The following NR3C1 variants were observed in gnomAD, a reference collection of about 807,000 sequenced individuals.
NR3C1 encodes the protein nuclear receptor subfamily 3 group C member 1, also known as glucocorticoid receptor.
NR3C1 carries 14 observed loss-of-function variants against 74.0 expected under a neutral mutation model. The ratio of observed to expected loss-of-function variants is 0.19; its 90% confidence interval spans 0.12 to 0.30. The LOEUF (loss-of-function observed/expected upper bound fraction) is 0.30. NR3C1 is among the 10% of genes least tolerant of loss of function. The pLI, the probability that NR3C1 is intolerant of heterozygous loss-of-function variation, is 1.00. For missense variants in NR3C1, 695 were observed against 909.8 expected (o/e 0.76, Z 3.04); for synonymous variants, 308 against 332.5 (o/e 0.93, Z 0.80).
At chr5:143,311,368 A>G (rs1820906313) in intron 3 of NR3C1, among the ~76,000 whole-genome samples, 1 of 152,216 alleles carries the variant, frequency 6.6e-6, no homozygotes, top group Non-Finnish European at 1.5e-5. Context: ...TTTATATCCA[A>G]CTGAAATGTC....
At chr5:143,388,736 TG>T (rs35667604) in intron 2 of NR3C1, among the ~76,000 whole-genome samples, 1 of 152,186 alleles carries the variant, frequency 6.6e-6, no homozygotes, top group Non-Finnish European at 1.5e-5. Context: ...GCTTATACAC[TG>T]GGGAGCCCAG....
At chr5:143,389,751 T>C (rs1837903064) in intron 2 of NR3C1, 1 of 154,102 alleles carries the variant, frequency 6.5e-6, no homozygotes, top group Non-Finnish European at 1.4e-5. Context: ...CCATGATATG[T>C]GTTTAGTGAT....
intron 1 of NR3C1, among the ~76,000 whole-genome samples, chr5:143,418,346 T>C (rs67355570): frequency 0.18 from 27,696 of 152,230 alleles, 2,729 homozygotes; most frequent in Middle Eastern, 0.35. Context: ...GTTTTGGCTT[T>C]GTCCCCCTTT....
chr5:143,298,915 G>A (rs72481846), intron 5 of NR3C1, 103 bp from the exon 6 acceptor site: 1 of 1,176,556 alleles, frequency 8.5e-7, no homozygotes, highest in African/African-American at 1.5e-5. Flanking sequence ...TCAAAACAAG[G>A]GCACCCCTAA....
chr5:143,284,465 T>C (rs1465152933), intron 7 of NR3C1, among the ~76,000 whole-genome samples: 5 of 124,100 alleles, frequency 4.0e-5, no homozygotes, highest in African/African-American at 1.4e-4. Flanking sequence ...TGGGTTAATT[T>C]TACACATTAC....
chr5:143,400,479 G>A lies in NR3C1; in HGVS notation c.361C>T (p.Leu121Phe). ...AGGTTTGCAATGCTTTCTTCCAAAA[G>A]CTTTAAGTCTGTTTCCCCCGAGGAA... ...SLSSGETDLKLLEESIANLNR... is the reference protein window; with the variant it reads ...SLSSGETDLKFLEESIANLNR... Residue 121 changes from leucine (L) to phenylalanine (F), a missense_variant, in exon 2 of 9, where the codon CTT becomes TTT. Leu to Phe is a conservative substitution (Grantham distance 22). This residue lies in a region of NR3C1 where 497 missense variants were observed against 489.5 expected (regional missense o/e 1.02). Transcript: ENST00000394464. 1.2e-6 allele frequency: 2 copies of A among 1,614,212 alleles called. No individual in the cohort carries two copies. The highest frequency in any genetic ancestry group is 8.5e-7 in the Non-Finnish European group (1 of 1,180,034).
chr5:143,430,123 A>G (rs1751740192), intron 1 of NR3C1, among the ~76,000 whole-genome samples: 1 of 151,846 alleles, frequency 6.6e-6, no homozygotes, highest in South Asian at 2.1e-4. Flanking sequence ...AAAAGAACAA[A>G]AAATCATGGT....
intron 2 of NR3C1, among the ~76,000 whole-genome samples, chr5:143,333,906 C>T (rs1826549225): frequency 1.3e-5 from 2 of 152,164 alleles, no homozygotes; most frequent in Admixed American, 6.5e-5. Flanking sequence ...CTGAAGAAAT[C>T]TTAACTTTTT....
upstream of NR3C1, among the ~76,000 whole-genome samples, chr5:143,405,707 G>A (rs1007450789): frequency 6.6e-6 from 1 of 152,136 alleles, no homozygotes; most frequent in Non-Finnish European, 1.5e-5. Flanking sequence ...TGCCAACGTA[G>A]AACCCTCAGC....
chr5:143,363,092 T>C (rs994555363), intron 2 of NR3C1, among the ~76,000 whole-genome samples: 2 of 152,206 alleles, frequency 1.3e-5, no homozygotes, highest in Admixed American at 1.3e-4. Flanking sequence ...GTTCAAGGCC[T>C]GCCCTAATGC....
At chr5:143,407,438 A>G (rs1475287405), upstream of NR3C1, 1 of 152,168 alleles carries the variant, frequency 6.6e-6, no homozygotes, top group Non-Finnish European at 1.5e-5. Context: ...TTCTTATAGT[A>G]TTCTGCATAC....
chr5:143,281,738 A>G lies in NR3C1; in HGVS notation c.*151T>C. 2 of 794,000 alleles carry G rather than the reference A, an allele frequency of 2.5e-6. No homozygotes were observed. Among genetic ancestry groups the G allele is most frequent in the Non-Finnish European group, 4.0e-6 (2 of 504,022 alleles). The allele number at this position is 794,000 out of a possible 1,614,324, so 49.2% of individuals were successfully genotyped here. On this transcript the variant is annotated 3_prime_UTR_variant, in exon 9 of 9. Coordinates refer to ENST00000394464, the MANE Select transcript of NR3C1 (RefSeq NM_000176.3). ...TTCTGTTGCCAAGTCTTGGCCCTCT[A>G]TAAACCACATGTAGTGCGTATTTAA...
intron 2 of NR3C1, among the ~76,000 whole-genome samples, chr5:143,317,909 C>T (rs1822502989): frequency 1.3e-5 from 2 of 152,198 alleles, no homozygotes; most frequent in South Asian, 4.1e-4. Flanking sequence ...TTGTAGCCGC[C>T]TCTTGTGTCT....
intron 5 of NR3C1, among the ~76,000 whole-genome samples, chr5:143,299,977 A>G (rs545162034): frequency 6.6e-6 from 1 of 152,328 alleles, no homozygotes; most frequent in African/African-American, 2.4e-5. Context: ...ATTCCACACC[A>G]AATTCCAATA....
At chr5:143,375,430 T>C (rs1332591977) in intron 2 of NR3C1, among the ~76,000 whole-genome samples, 1 of 152,184 alleles carries the variant, frequency 6.6e-6, no homozygotes, top group East Asian at 1.9e-4. Context: ...ATTCTTTTAA[T>C]AGGGGCCTAG....
At chr5:143,319,057 T>A (rs1178333249) in intron 2 of NR3C1, among the ~76,000 whole-genome samples, 1 of 152,148 alleles carries the variant, frequency 6.6e-6, no homozygotes, top group Non-Finnish European at 1.5e-5. Context: ...GTCTGCCCTT[T>A]AAGGGGAGAC....
chr5:143,317,421 C>CA (rs1822378100), intron 2 of NR3C1, among the ~76,000 whole-genome samples: 1 of 152,114 alleles, frequency 6.6e-6, no homozygotes, highest in African/African-American at 2.4e-5. Flanking sequence ...TGTGTTCACT[C>CA]ACAGCTGTGC....
intron 1 of NR3C1, among the ~76,000 whole-genome samples, chr5:143,422,970 A>G (rs1195598548): frequency 6.6e-6 from 1 of 151,980 alleles, no homozygotes; most frequent in Non-Finnish European, 1.5e-5. Flanking sequence ...ACACATATAT[A>G]TTGTTTTATT....
intron 1 of NR3C1, among the ~76,000 whole-genome samples, chr5:143,414,891 G>A (rs2151956874): frequency 6.6e-6 from 1 of 152,212 alleles, no homozygotes; most frequent in Middle Eastern, 3.4e-3. Context: ...GTACTGACTG[G>A]GCTCACTTTA....
Sources: gnomAD v4.1 joint callset for allele counts (sites outside exome capture counted in the v4.1 genomes callset) on GRCh38, gnomAD v4.1.1 for gene constraint, gnomAD v4.1.1 regional missense constraint, MANE v1.5 for transcripts, NCBI Gene and HGNC (gene_info 2026-07-23, HGNC 2026-07-21) for gene names.